Variants in LRMDA observed in about 807,000 individuals in gnomAD.
The protein encoded by LRMDA is leucine rich melanocyte differentiation associated.
LRMDA carries 18 observed loss-of-function variants against 29.8 expected under a neutral mutation model. That is an observed-to-expected ratio of 0.60 (90% CI 0.42 to 0.90). LRMDA has a LOEUF of 0.90. Among genes scored for constraint, LRMDA ranks in the 40% least tolerant of loss-of-function variants. The pLI, the probability that LRMDA is intolerant of heterozygous loss-of-function variation, is 0.00. For missense variants in LRMDA, 273 were observed against 273.9 expected, an observed-to-expected ratio of 1.00 and a Z score of 0.02; for synonymous variants, 125 against 109.4, an observed-to-expected ratio of 1.14 and a Z score of -0.89.
At chr10:75,884,304 T>A (rs992731408) in intron 2 of LRMDA, among the ~76,000 whole-genome samples, 2 of 135,392 alleles carry the variant, frequency 1.5e-5, no homozygotes, top group African/African-American at 5.1e-5. Context: ...GGGGAGGGGA[T>A]GTTTTCATGT....
intron 5 of LRMDA, among the ~76,000 whole-genome samples, chr10:76,242,838 G>A (rs777152988): frequency 1.3e-5 from 2 of 152,166 alleles, no homozygotes; most frequent in Admixed American, 1.3e-4. Flanking sequence ...ATATAGAAGG[G>A]TTCCTTGTAC....
At chr10:76,361,569 T>C (rs943106991) in intron 6 of LRMDA, among the ~76,000 whole-genome samples, 1 of 152,168 alleles carries the variant, frequency 6.6e-6, no homozygotes, top group Non-Finnish European at 1.5e-5. Flanking sequence ...GCCAAGTACC[T>C]GGCTTAGGGC....
chr10:75,553,369 C>G (rs1442034028), intron 2 of LRMDA, among the ~76,000 whole-genome samples: 1 of 152,214 alleles, frequency 6.6e-6, no homozygotes, highest in Non-Finnish European at 1.5e-5. Flanking sequence ...CCATTTCATC[C>G]TCAGCTTTCA....
At position 76,013,019 on chromosome 10, in the gene LRMDA, G is replaced by A. The variant is rs1362604992; in HGVS notation, c.132-22989G>A. On this transcript the variant is annotated intron_variant, in intron 2 of 6. Coordinates refer to ENST00000611255, the MANE Select transcript of LRMDA (RefSeq NM_001305581.2). The stretch of plus-strand genomic sequence containing the variant: ...TTCTTTGCGGGAGGGGGAGAAGGGG[G>A]AGACACATAGGAAAAAAAGGGAGCA... 3.3e-5 allele frequency among the ~76,000 whole-genome samples: 5 copies of A among 152,234 alleles called. No homozygotes were observed. In the South Asian group the frequency reaches 6.2e-4, roughly 19 times the overall value.
intron 2 of LRMDA, among the ~76,000 whole-genome samples, chr10:76,012,075 C>T (rs1250271418): frequency 6.6e-6 from 1 of 152,144 alleles, no homozygotes; most frequent in Non-Finnish European, 1.5e-5. Flanking sequence ...TCAGGGTTGC[C>T]AGGTTGTCAG....
At chr10:76,282,480 C>T (rs533985389) in intron 5 of LRMDA, among the ~76,000 whole-genome samples, 6 of 152,288 alleles carry the variant, frequency 3.9e-5, no homozygotes, top group South Asian at 4.1e-4. Context: ...GATCCATAGC[C>T]TGCCAGAGAG....
chr10:76,011,683 A>C (rs1360184305), intron 2 of LRMDA, among the ~76,000 whole-genome samples: 1 of 152,220 alleles, frequency 6.6e-6, no homozygotes, highest in Non-Finnish European at 1.5e-5. Flanking sequence ...TGTTTAGGAA[A>C]GGGATTCTGT....
At position 76,121,332 on chromosome 10, in the gene LRMDA, G is replaced by A. The variant is rs187826132; in HGVS notation, c.516+62549G>A. ...ATGAGGCAATTGTCTGGCAGAGGGC[G>A]TTGTTCAGTATTTCCAGCCCATTTC... On this transcript the variant is annotated intron_variant, in intron 5 of 6. Transcript: ENST00000611255. Among the ~76,000 whole-genome samples the A allele has an allele frequency of 3.0e-4, 45 of 152,246 alleles. No homozygotes were observed. The South Asian group carries it at 6.9e-3, about 23-fold the overall frequency.
intron 5 of LRMDA, among the ~76,000 whole-genome samples, chr10:76,062,126 CT>C (rs1335013803): frequency 5.9e-5 from 9 of 152,160 alleles, no homozygotes; most frequent in African/African-American, 2.2e-4. Context: ...TGTGTTGCTG[CT>C]GCTGTGCTGA....
At chr10:75,956,388 G>A (rs1435593682) in intron 2 of LRMDA, among the ~76,000 whole-genome samples, 2 of 152,192 alleles carry the variant, frequency 1.3e-5, no homozygotes, top group Non-Finnish European at 2.9e-5. Flanking sequence ...TGGGGTCTCT[G>A]AATTGCCTCT....
intron 2 of LRMDA, among the ~76,000 whole-genome samples, chr10:75,747,095 ACT>A (rs1421469448): frequency 2.6e-5 from 4 of 152,046 alleles, no homozygotes; most frequent in Non-Finnish European, 5.9e-5. Context: ...GGGAAAAACA[ACT>A]CTTCAATAGT....
rs561579288 is a variant in LRMDA, at chr10:75,597,268, A to C, written c.131+158774A>C. Reference sequence around the variant, plus strand: ...TCTGATGAACGAATACCTTGATGTAACGTGATCATTTTTAGTAAGAAAAGT... The same window carrying C: ...TCTGATGAACGAATACCTTGATGTACCGTGATCATTTTTAGTAAGAAAAGT... On this transcript the variant is annotated intron_variant, in intron 2 of 6. Transcript: ENST00000611255. Among the ~76,000 whole-genome samples the C allele has an allele frequency of 2.6e-5, 4 of 152,340 alleles. No homozygotes were observed. The South Asian group carries it at 8.3e-4, about 32-fold the overall frequency.
At chr10:75,529,007 G>A (rs1845446226) in intron 2 of LRMDA, among the ~76,000 whole-genome samples, 1 of 152,172 alleles carries the variant, frequency 6.6e-6, no homozygotes, top group Non-Finnish European at 1.5e-5. Context: ...ATATGGAAAT[G>A]AGAGAGGGGA....
rs115526209 is a variant in LRMDA at position 76,313,801 on chromosome 10, C to T, written c.517-10600C>T. Among the ~76,000 whole-genome samples the T allele has an allele frequency of 5.1e-3, 766 of 151,354 alleles. 3 individuals are homozygous for T. Among genetic ancestry groups the T allele is most frequent in the African/African-American group, 0.017 (715 of 41,266 alleles). On this transcript the variant is annotated intron_variant, in intron 5 of 6. Coordinates refer to ENST00000611255, the MANE Select transcript of LRMDA (RefSeq NM_001305581.2). The stretch of plus-strand genomic sequence containing the variant: ...TATATAATACTGTTTCTAAAAAATT[C>T]CATACAATCACTTAATTGTCACAGA...
intron 2 of LRMDA, among the ~76,000 whole-genome samples, chr10:75,514,205 A>G (rs1422960394): frequency 1.4e-5 from 2 of 147,418 alleles, no homozygotes; most frequent in Non-Finnish European, 3.0e-5. Context: ...GGTTCCCAAG[A>G]GAAGATTCTA....
At chr10:76,534,594 C>G (rs565442623) in intron 6 of LRMDA, among the ~76,000 whole-genome samples, 1 of 152,164 alleles carries the variant, frequency 6.6e-6, no homozygotes, top group Non-Finnish European at 1.5e-5. Flanking sequence ...TTATTTGTTA[C>G]AGCAGCTTGT....
chr10:75,957,969 G>A (rs1011815627), intron 2 of LRMDA, among the ~76,000 whole-genome samples: 1 of 152,192 alleles, frequency 6.6e-6, no homozygotes, highest in African/African-American at 2.4e-5. Flanking sequence ...TTAGAGTAAA[G>A]AACCCGTCAT....
At position 76,282,737 on chromosome 10, in the gene LRMDA, G is replaced by A. The variant is rs117354449; in HGVS notation, c.517-41664G>A. Among the ~76,000 whole-genome samples the A allele has an allele frequency of 3.7e-4, 56 of 152,050 alleles. 1 individual carries two copies. Among genetic ancestry groups the A allele is most frequent in the African/African-American group, 8.4e-4 (35 of 41,472 alleles). ...GTTTTGTCTCTTTTATATCCCCTTC[G>A]TCTGCAAACCATTCACCTTCACAAG... is the stretch of plus-strand genomic sequence containing the variant. On this transcript the variant is annotated intron_variant, in intron 5 of 6. Coordinates refer to ENST00000611255, the MANE Select transcript of LRMDA (RefSeq NM_001305581.2).
chr10:76,171,915 C>T (rs1035769768), intron 5 of LRMDA, among the ~76,000 whole-genome samples: 2 of 152,142 alleles, frequency 1.3e-5, no homozygotes, highest in African/African-American at 4.8e-5. Context: ...TTATTTGGCT[C>T]ACAATTCTGG....
Sources: gnomAD v4.1 joint callset for allele counts (sites outside exome capture counted in the v4.1 genomes callset) on GRCh38, gnomAD v4.1.1 for gene constraint, MANE v1.5 for transcripts, NCBI Gene and HGNC (gene_info 2026-07-23, HGNC 2026-07-21) for gene names.